DIP2C: variants seen among roughly 807,000 people sequenced by gnomAD.
DIP2C encodes DIP2 acetate--CoA ligase C (putative).
In DIP2C, 33 loss-of-function variants were observed where a neutral mutation model predicts 192.4. That is an observed-to-expected ratio of 0.17 (90% CI 0.13 to 0.23). The LOEUF is 0.23. Ranked by LOEUF, DIP2C falls within the 10% of genes least tolerant of loss-of-function variation. The pLI, the probability that DIP2C is intolerant of heterozygous loss-of-function variation, is 1.00. For synonymous variants in DIP2C, 979 were observed against 864.1 expected, an observed-to-expected ratio of 1.13 and a Z score of -2.33; for missense variants, 1,537 against 2,110.1, an observed-to-expected ratio of 0.73 and a Z score of 5.32.
At chr10:403,686 T>C (rs1419819192) in intron 9 of DIP2C, among the ~76,000 whole-genome samples, 31 of 149,296 alleles carry the variant, frequency 2.1e-4, no homozygotes, top group African/African-American at 7.2e-4. Context: ...TCCTGTGATT[T>C]TACACGTGTG....
At chr10:382,122 G>A (rs1390539752) in intron 17 of DIP2C, among the ~76,000 whole-genome samples, 4 of 152,206 alleles carry the variant, frequency 2.6e-5, no homozygotes, top group African/African-American at 9.7e-5. Context: ...ACATGAGATT[G>A]TCAGAGCAAA....
At chr10:283,112 C>G (rs1399009781) in intron 35 of DIP2C, among the ~76,000 whole-genome samples, 160 bp downstream of exon 35, 1 of 152,230 alleles carries the variant, frequency 6.6e-6, no homozygotes, top group East Asian at 1.9e-4. Context: ...TTTTGCTTTC[C>G]TCTTGCTCTT....
chr10:484,203 T>G (rs909033042), intron 2 of DIP2C, among the ~76,000 whole-genome samples: 1 of 152,224 alleles, frequency 6.6e-6, no homozygotes, highest in Non-Finnish European at 1.5e-5. Flanking sequence ...TGGTGGAAAA[T>G]GCACTGAACT....
At position 363,128 on chromosome 10, in the gene DIP2C, G is replaced by A; in HGVS notation, c.2592+69C>T. 7.1e-7 allele frequency: 1 copy of A among 1,402,520 alleles called. No individual in the cohort carries two copies. 86.9% of individuals were successfully genotyped at this position (1,402,520 alleles called of 1,614,324 possible). A position where few individuals can be genotyped will look rare whatever the true frequency, so the allele number is the denominator to read the frequency against. ...GCAAAGCAACAGCTGGTCACACCAT[G>A]ATCTGAATGAAGTAAGGAGGCCAGA... On this transcript the variant is annotated intron_variant, in intron 21 of 36. Coordinates refer to ENST00000280886, the MANE Select transcript of DIP2C (RefSeq NM_014974.3). The surrounding 1 kb of genome is among the most constrained non-coding windows in gnomAD (Gnocchi z 5.4).
At position 567,196 on chromosome 10, in the gene DIP2C, TTG is replaced by T. The variant is rs201286177; in HGVS notation, c.86-80668_86-80667del. On this transcript the variant is annotated intron_variant, in intron 1 of 36. Transcript: ENST00000280886. ...GTTTTGGGGGGTTTTTTGTTTTGTT[TTG>T]TTTTTTTTAAGACACAATATCACTC... is the stretch of plus-strand genomic sequence containing the variant. 3.0e-3 allele frequency among the ~76,000 whole-genome samples: 389 copies of T among 128,418 alleles called. 2 individuals are homozygous for T. Among genetic ancestry groups the T allele is most frequent in the African/African-American group, 0.017 (358 of 21,632 alleles). The allele number at this position is 128,418 out of a possible 152,430, so 84.2% of individuals were successfully genotyped here. A position where few individuals can be genotyped will look rare whatever the true frequency, so the allele number is the denominator to read the frequency against.
intron 1 of DIP2C, among the ~76,000 whole-genome samples, chr10:605,517 GTGC>G (rs1852398145): frequency 6.6e-6 from 1 of 152,204 alleles, no homozygotes; most frequent in Non-Finnish European, 1.5e-5. Flanking sequence ...ACACAAGACT[GTGC>G]TGGAGAAAGC....
At chr10:621,343 C>T (rs924056410) in intron 1 of DIP2C, among the ~76,000 whole-genome samples, 1 of 151,826 alleles carries the variant, frequency 6.6e-6, no homozygotes, top group African/African-American at 2.4e-5. Context: ...CACACATGCT[C>T]TGTACATGCT....
intron 22 of DIP2C, 72 bp downstream of exon 22, chr10:362,418 C>G: frequency 6.5e-7 from 1 of 1,526,880 alleles, no homozygotes; most frequent in Non-Finnish European, 8.9e-7. Context: ...GGGTGAACTC[C>G]CGCACCTCCC....
intron 1 of DIP2C, among the ~76,000 whole-genome samples, chr10:533,814 G>A (rs747086643): frequency 1.3e-4 from 19 of 151,988 alleles, no homozygotes; most frequent in South Asian, 2.1e-4. Flanking sequence ...TCACAGATGT[G>A]TCCTCAACCC....
chr10:401,112 T>C (rs1327123099), intron 9 of DIP2C, among the ~76,000 whole-genome samples: 4 of 139,880 alleles, frequency 2.9e-5, no homozygotes, highest in East Asian at 2.3e-4. Flanking sequence ...ACACGTGTGG[T>C]AGCATTAGCA....
intron 1 of DIP2C, among the ~76,000 whole-genome samples, chr10:640,207 G>A (rs1173681693): frequency 1.3e-5 from 2 of 152,314 alleles, no homozygotes; most frequent in East Asian, 1.9e-4. Context: ...ACGTCCCCAC[G>A]GCTGGCGGGG....
chr10:408,153 T>TCTTGCA (rs1964942547), intron 9 of DIP2C, among the ~76,000 whole-genome samples: 2 of 150,436 alleles, frequency 1.3e-5, no homozygotes, highest in Admixed American at 1.3e-4. Flanking sequence ...GCCTTCATTC[T>TCTTGCA]CTTGCAGGTG....
chr10:298,380 T>C (rs1008491608), intron 32 of DIP2C, among the ~76,000 whole-genome samples: 1 of 152,194 alleles, frequency 6.6e-6, no homozygotes, highest in Non-Finnish European at 1.5e-5. Flanking sequence ...TGGCGTCATA[T>C]CAAAGCCCCC....
chr10:383,076 A>C (rs1035683353), intron 16 of DIP2C, among the ~76,000 whole-genome samples: 3 of 152,240 alleles, frequency 2.0e-5, no homozygotes, highest in Admixed American at 1.3e-4. Flanking sequence ...AATCTAAACC[A>C]AATGAAGAAA....
chr10:390,955 G>A (rs775226769), intron 10 of DIP2C, 92 bp from the exon 11 acceptor site: 58 of 1,532,664 alleles, frequency 3.8e-5, no homozygotes, highest in Non-Finnish European at 4.3e-5. Flanking sequence ...ACAGACCCTC[G>A]AGTCTGCAGA....
chr10:428,061 T>C (rs1250221402), intron 4 of DIP2C, among the ~76,000 whole-genome samples: 1 of 152,174 alleles, frequency 6.6e-6, no homozygotes, highest in Non-Finnish European at 1.5e-5. Flanking sequence ...TAACAGAATA[T>C]AATTCAACAA....
At chr10:461,543 TTA>T (rs762664941) in intron 3 of DIP2C, among the ~76,000 whole-genome samples, 4 of 152,188 alleles carry the variant, frequency 2.6e-5, no homozygotes, top group African/African-American at 7.2e-5. Context: ...AAGCAAGTTC[TTA>T]GATACCTACC....
chr10:584,604 C>CT (rs1850887723), intron 1 of DIP2C, among the ~76,000 whole-genome samples: 1 of 106,430 alleles, frequency 9.4e-6, no homozygotes, highest in African/African-American at 3.8e-5. Context: ...CATCACCTCT[C>CT]AATCTCGGGG....
At chr10:364,323 A>G (rs748183529) in intron 20 of DIP2C, 51 bp downstream of exon 20, 1 of 1,571,044 alleles carries the variant, frequency 6.4e-7, no homozygotes, top group Non-Finnish European at 8.7e-7. Flanking sequence ...AACCACATAA[A>G]AAATATGGCC....
Sources: gnomAD v4.1 joint callset for allele counts (sites outside exome capture counted in the v4.1 genomes callset) on GRCh38, gnomAD v4.1.1 for gene constraint, Gnocchi (gnomAD v3.1) non-coding constraint, MANE v1.5 for transcripts, NCBI Gene and HGNC (gene_info 2026-07-23, HGNC 2026-07-21) for gene names.